SEMA3A: variants seen among roughly 807,000 people sequenced by gnomAD.
SEMA3A encodes semaphorin-3A.
A neutral mutation model predicts 97.9 loss-of-function variants in SEMA3A; 29 were observed. The ratio of observed to expected loss-of-function variants is 0.30; its 90% CI spans 0.22 to 0.40. The LOEUF is 0.40. Among genes scored for constraint, SEMA3A ranks in the 10% least tolerant of loss-of-function variants. SEMA3A has a pLI of 1.00. For synonymous variants in SEMA3A, 321 were observed against 323.7 expected (o/e 0.99, Z 0.09); for missense variants, 763 against 951.3 (o/e 0.80, Z 2.60).
chr7:84,413,357 G>A lies in SEMA3A; in HGVS notation c.-245-41457C>T, dbSNP rs145348686. Among the ~76,000 whole-genome samples, 1,363 of 152,220 alleles carry A rather than the reference G, an allele frequency of 9.0e-3. 57 individuals carry two copies. Among genetic ancestry groups the A allele is most frequent in the Admixed American group, 0.077 (1,178 of 15,248 alleles). ...TACTGTAGAAAGCAGGCCGAGTGTG[G>A]TGCCTCATACCTGTAATCTCAGCAC... On this transcript the variant is annotated intron_variant, in intron 1 of 3. Transcript: ENST00000424555.
intron 1 of SEMA3A, among the ~76,000 whole-genome samples, chr7:84,135,201 C>T (rs1245387672): frequency 6.6e-6 from 1 of 151,246 alleles, no homozygotes; most frequent in Non-Finnish European, 1.5e-5. Context: ...ACCACAACCT[C>T]CCGAGTTCAA....
intron 1 of SEMA3A, among the ~76,000 whole-genome samples, chr7:84,172,301 T>C (rs1198675217): frequency 6.6e-6 from 1 of 152,228 alleles, no homozygotes; most frequent in Non-Finnish European, 1.5e-5. Flanking sequence ...GAGGGAAACA[T>C]TGCCCTACAT....
At chr7:84,057,382 T>C (rs1156405222) in intron 5 of SEMA3A, among the ~76,000 whole-genome samples, 1 of 152,214 alleles carries the variant, frequency 6.6e-6, no homozygotes, top group Non-Finnish European at 1.5e-5. Flanking sequence ...TGGCATTTAT[T>C]ATTAGCAGGT....
chr7:83,994,078 G>A (rs953141356), intron 12 of SEMA3A, among the ~76,000 whole-genome samples: 16 of 150,284 alleles, frequency 1.1e-4, no homozygotes, highest in Non-Finnish European at 1.8e-4. Flanking sequence ...ATCTTCCATC[G>A]CTGATACCCT....
intron 3 of SEMA3A, among the ~76,000 whole-genome samples, chr7:84,299,295 C>CAT (rs1255261215): frequency 2.2e-5 from 2 of 89,860 alleles, no homozygotes; most frequent in East Asian, 3.4e-4. Flanking sequence ...TATCTATCTC[C>CAT]ATATATATAT....
At chr7:84,055,319 A>C (rs1583885003) in intron 5 of SEMA3A, among the ~76,000 whole-genome samples, 1 of 152,212 alleles carries the variant, frequency 6.6e-6, no homozygotes, top group East Asian at 1.9e-4. Context: ...GCGGCCTTGC[A>C]GTTTGATCTC....
At position 84,334,160 on chromosome 7, in the gene SEMA3A, C is replaced by T. The variant is rs372137652; in HGVS notation, c.-168-26868G>A. 4.6e-5 allele frequency among the ~76,000 whole-genome samples: 7 copies of T among 152,024 alleles called. No individual in the cohort carries two copies. In the East Asian group the frequency reaches 9.7e-4, roughly 21 times the overall value. On this transcript the variant is annotated intron_variant, in intron 2 of 3. Transcript: ENST00000424555. Reference sequence around the variant, plus strand: ...GTTCTGTCTATATAATTCCAAATCTCGGAATTGATCTTTTTAAGAGTAAAT... The same window carrying T: ...GTTCTGTCTATATAATTCCAAATCTTGGAATTGATCTTTTTAAGAGTAAAT...
chr7:84,125,480 C>A (rs1795762431), intron 3 of SEMA3A, among the ~76,000 whole-genome samples: 1 of 152,166 alleles, frequency 6.6e-6, no homozygotes, highest in South Asian at 2.1e-4. Context: ...CATGGCAAAA[C>A]CCTGTCTCTA....
At position 84,134,903 on chromosome 7, in the gene SEMA3A, C is replaced by T. The variant is rs1796075998; in HGVS notation, c.161G>A (p.Ser54Asn). Reference sequence around the variant, plus strand: ...CAAAAGGAAGGTATGATAACTGGAGCTGTTGGCCAAGCCATTGAAAGTGAT... The same window carrying T: ...CAAAAGGAAGGTATGATAACTGGAGTTGTTGGCCAAGCCATTGAAAGTGAT... ...NVITFNGLAN[S>N]SSYHTFLLDE... Residue 54 changes from serine (S) to asparagine (N), a missense_variant, in exon 2 of 17, where the codon AGC becomes AAC. Coordinates refer to ENST00000265362, the MANE Select transcript of SEMA3A (RefSeq NM_006080.3). The T allele has an allele frequency of 3.1e-6, 5 of 1,613,786 alleles. No homozygotes were observed. Among genetic ancestry groups the T allele is most frequent in the African/African-American group, 1.3e-5 (1 of 74,916 alleles).
At chr7:84,294,840 C>T (rs185623876) in intron 3 of SEMA3A, among the ~76,000 whole-genome samples, 1 of 151,962 alleles carries the variant, frequency 6.6e-6, no homozygotes, top group South Asian at 2.1e-4. Context: ...TCAGAAAATA[C>T]TTCTGAGTTA....
intron 3 of SEMA3A, among the ~76,000 whole-genome samples, chr7:84,306,808 T>A (rs1226909187): frequency 6.6e-6 from 1 of 152,144 alleles, no homozygotes; most frequent in Non-Finnish European, 1.5e-5. Flanking sequence ...AGTAACCATA[T>A]GTGGGCCAAT....
chr7:84,288,391 A>G (rs2115772868), intron 3 of SEMA3A, among the ~76,000 whole-genome samples: 1 of 152,346 alleles, frequency 6.6e-6, no homozygotes, highest in East Asian at 1.9e-4. Flanking sequence ...GACATAAGAT[A>G]TTTAATCTAA....
At chr7:84,167,549 G>A (rs1484461189) in intron 1 of SEMA3A, among the ~76,000 whole-genome samples, 1 of 152,126 alleles carries the variant, frequency 6.6e-6, no homozygotes, top group Non-Finnish European at 1.5e-5. Flanking sequence ...CAAACATCCA[G>A]ACACATAGAG....
chr7:84,230,392 A>G (rs376972879), intron 3 of SEMA3A, among the ~76,000 whole-genome samples: 2 of 151,978 alleles, frequency 1.3e-5, no homozygotes, highest in African/African-American at 2.4e-5. Flanking sequence ...TTCAAAACGG[A>G]TATTTCTAAC....
intron 1 of SEMA3A, among the ~76,000 whole-genome samples, chr7:84,464,832 A>T (rs1805949843): frequency 6.6e-6 from 1 of 152,172 alleles, no homozygotes; most frequent in African/African-American, 2.4e-5. Flanking sequence ...AACTTTTCAT[A>T]ATATAGTCGG....
intron 4 of SEMA3A, among the ~76,000 whole-genome samples, chr7:84,066,847 C>T (rs1330754546): frequency 6.6e-6 from 1 of 152,042 alleles, no homozygotes; most frequent in African/African-American, 2.4e-5. Flanking sequence ...CCATACTGCC[C>T]AAGGTAATTT....
chr7:84,318,128 C>T (rs1187426079), intron 2 of SEMA3A, among the ~76,000 whole-genome samples: 2 of 151,948 alleles, frequency 1.3e-5, no homozygotes, highest in East Asian at 3.9e-4. Flanking sequence ...AAAACATGCA[C>T]TTAAAAATAA....
At chr7:84,240,166 G>A (rs1799324581) in intron 3 of SEMA3A, among the ~76,000 whole-genome samples, 1 of 152,008 alleles carries the variant, frequency 6.6e-6, no homozygotes, top group Non-Finnish European at 1.5e-5. Context: ...GAGTAAAGAT[G>A]GGAGAGAGAT....
At chr7:84,316,160 A>AAAAAAAAT (rs1801495750) in intron 2 of SEMA3A, among the ~76,000 whole-genome samples, 9 of 141,656 alleles carry the variant, frequency 6.4e-5, no homozygotes, top group East Asian at 4.2e-4. Flanking sequence ...AAAAAAAAAA[A>AAAAAAAAT]GTGCTCCCTG....
Sources: gnomAD v4.1 joint callset for allele counts (sites outside exome capture counted in the v4.1 genomes callset) on GRCh38, gnomAD v4.1.1 for gene constraint, MANE v1.5 for transcripts, NCBI Gene and HGNC (gene_info 2026-07-23, HGNC 2026-07-21) for gene names.